The following DSCC1 variants were observed in gnomAD, a reference collection of about 807,000 sequenced individuals.
The protein encoded by DSCC1 is DNA replication and sister chromatid cohesion 1, also known as sister chromatid cohesion protein DCC1.
DSCC1 carries 32 observed loss-of-function variants against 48.2 expected under a neutral mutation model. The observed-to-expected ratio is 0.66, with a 90% confidence interval of 0.50 to 0.89. The LOEUF is 0.89. Among genes scored for constraint, DSCC1 ranks in the 40% least tolerant of loss-of-function variants. The pLI is 0.00. For synonymous variants in DSCC1, 150 were observed against 171.5 expected (o/e 0.87, Z 0.98); for missense variants, 421 against 471.7 (o/e 0.89, Z 1.00).
At position 119,842,818 on chromosome 8, in the gene DSCC1, C is replaced by A; in HGVS notation, c.727G>T (p.Glu243Ter). 6.3e-7 allele frequency: 1 copy of A among 1,594,604 alleles called. No individual in the cohort carries two copies. The highest frequency in any genetic ancestry group is 1.1e-5 in the South Asian group (1 of 87,770). Reference sequence around the variant, plus strand: ...TTCCCATAACATTTAAGACAGTGTTCTATCATTTCCCTGAAAAATTTAAAA... The same window carrying A: ...TTCCCATAACATTTAAGACAGTGTTATATCATTTCCCTGAAAAATTTAAAA... ...LGPLEPEEMI[E>*]HCLKCYGKKY... Residue 243 changes from glutamate (E) to a stop codon, truncating the protein, a stop_gained, in exon 6 of 9, where the codon GAA (glutamate) becomes TAA (stop). Transcript: ENST00000313655. LOFTEE classifies it high-confidence loss of function.
At chr8:119,854,322 T>C (rs1031684926) in intron 1 of DSCC1, among the ~76,000 whole-genome samples, 1 of 152,210 alleles carries the variant, frequency 6.6e-6, no homozygotes, top group African/African-American at 2.4e-5. Flanking sequence ...ATGATGGCAA[T>C]GACAGGGGAG....
intron 2 of DSCC1, among the ~76,000 whole-genome samples, chr8:119,851,468 C>T (rs749724247): frequency 5.9e-5 from 9 of 152,150 alleles, no homozygotes; most frequent in African/African-American, 1.2e-4. Context: ...CTTCTGGCTA[C>T]GTCCAATACA....
At chr8:119,842,279 G>A (rs1018546674) in intron 6 of DSCC1, among the ~76,000 whole-genome samples, 12 of 151,758 alleles carry the variant, frequency 7.9e-5, no homozygotes, top group Non-Finnish European at 1.8e-4. Flanking sequence ...TCACCATGTT[G>A]GCCAGGCTTG....
chr8:119,837,527 A>C (rs1262958431), intron 8 of DSCC1, among the ~76,000 whole-genome samples: 2 of 152,240 alleles, frequency 1.3e-5, no homozygotes, highest in Non-Finnish European at 2.9e-5. Flanking sequence ...GAGAAGTTTC[A>C]TGAGCAAATC....
At chr8:119,836,779 A>T (rs1011234947) in intron 8 of DSCC1, among the ~76,000 whole-genome samples, 1 of 152,098 alleles carries the variant, frequency 6.6e-6, no homozygotes, top group Admixed American at 6.6e-5. Flanking sequence ...GAGGGCACCA[A>T]AGGAAAAGTA....
At chr8:119,841,732 G>GT (rs1826772390) in intron 7 of DSCC1, 62 bp downstream of exon 7, 3 of 1,565,968 alleles carry the variant, frequency 1.9e-6, no homozygotes, top group Non-Finnish European at 2.6e-6. Flanking sequence ...TCCAACTCAA[G>GT]TATCATTCAC....
At chr8:119,844,367 AG>A (rs1430664972) in intron 4 of DSCC1, among the ~76,000 whole-genome samples, 5 of 147,244 alleles carry the variant, frequency 3.4e-5, no homozygotes, top group Admixed American at 1.4e-4. Flanking sequence ...TGAACCTGGG[AG>A]GCCGAGGTTG....
chr8:119,845,880 C>T (rs1055944844), intron 4 of DSCC1, among the ~76,000 whole-genome samples: 2 of 151,902 alleles, frequency 1.3e-5, no homozygotes, highest in African/African-American at 2.4e-5. Flanking sequence ...ACCCACGAGA[C>T]GGAGGCTGCA....
In DSCC1 at chr8:119,855,609, C is replaced by T. The variant is rs368203278; in HGVS notation, c.182+5G>A. 1.2e-4 allele frequency: 183 copies of T among 1,542,636 alleles called. No individual in the cohort carries two copies. In the African/African-American group the frequency reaches 2.3e-3, roughly 20 times the overall value. On this transcript the variant is annotated splice_donor_5th_base_variant and intron_variant, in intron 1 of 8. Transcript: ENST00000313655. ...GGCTGGGGGCGCCGCGTGACCAGGG[C>T]TCACCTGTGTCCATCCTCCAGCTGC...
chr8:119,838,306 G>C lies in DSCC1; in HGVS notation c.1026C>G (p.Phe342Leu). 3 of 1,608,540 alleles carry C rather than the reference G, an allele frequency of 1.9e-6. No homozygotes were observed. Among genetic ancestry groups the C allele is most frequent in the Non-Finnish European group, 2.5e-6 (3 of 1,177,910 alleles). The change falls in exon 8 of 9, where the codon TTC becomes TTG. Residue 342 changes from phenylalanine (F) to leucine (L), a missense_variant. This residue lies in a region of DSCC1 where 238 missense variants were observed against 259.0 expected (regional missense o/e 0.92). Transcript: ENST00000313655. ...EDNQERFNSL[F>L]SLREKWTEED... ...CTTCTGTCCACTTCTCCCTTAGAGA[G>C]AAAAGGCTATTAAAACGTTCCTGAT...
chr8:119,852,950 T>G, intron 2 of DSCC1, 97 bp downstream of exon 2: 1 of 1,112,290 alleles, frequency 9.0e-7, no homozygotes, highest in Non-Finnish European at 1.2e-6. Context: ...TTCTCCCTGA[T>G]TATAGATTTT....
intron 7 of DSCC1, chr8:119,839,926 AG>A (rs1008502813): frequency 2.0e-5 from 3 of 152,246 alleles, no homozygotes; most frequent in Non-Finnish European, 2.9e-5. Flanking sequence ...CTGATGGCTA[AG>A]CCCCTTTTCT....
chr8:119,846,006 T>C (rs1453990953), intron 4 of DSCC1, among the ~76,000 whole-genome samples: 1 of 152,116 alleles, frequency 6.6e-6, no homozygotes, highest in Non-Finnish European at 1.5e-5. Flanking sequence ...TGCCATATGC[T>C]GTCACTAACT....
chr8:119,842,658 T>G, intron 6 of DSCC1, 118 bp downstream of exon 6: 1 of 853,082 alleles, frequency 1.2e-6, no homozygotes, highest in Non-Finnish European at 1.9e-6. Flanking sequence ...AGTGCTGGGA[T>G]TATAGGTGTG....
rs949987624 is a variant in DSCC1 at position 119,855,853 on chromosome 8, A to G, written c.-58T>C. ...CGGGTGGCTGCGGGCTTGGCGGGCAAGAAAGAAGTTCCCAAGCAGCCGGAA... is the reference window on the plus strand; with the variant it reads ...CGGGTGGCTGCGGGCTTGGCGGGCAGGAAAGAAGTTCCCAAGCAGCCGGAA... On this transcript the variant is annotated 5_prime_UTR_variant, in exon 1 of 9. Transcript: ENST00000313655. 2 of 1,408,104 alleles carry G rather than the reference A, an allele frequency of 1.4e-6. No homozygotes were observed. Among genetic ancestry groups the G allele is most frequent in the Non-Finnish European group, 1.9e-6 (2 of 1,080,490 alleles). The allele number at this position is 1,408,104 out of a possible 1,614,324, so 87.2% of individuals were successfully genotyped here. A position where few individuals can be genotyped will look rare whatever the true frequency, so the allele number is the denominator to read the frequency against.
At chr8:119,852,846 G>A (rs576319423) in intron 2 of DSCC1, 155 of 447,844 alleles carry the variant, frequency 3.5e-4, no homozygotes, top group African/African-American at 3.1e-3. Context: ...ATCAAAACAG[G>A]AAAAAACAGA....
intron 2 of DSCC1, among the ~76,000 whole-genome samples, chr8:119,850,942 G>A (rs1475873796): frequency 6.6e-6 from 1 of 152,190 alleles, no homozygotes; most frequent in Admixed American, 6.5e-5. Flanking sequence ...AAAGGGAAGA[G>A]GGGGTGTGTT....
chr8:119,849,180 C>G (rs1563946456), intron 3 of DSCC1, among the ~76,000 whole-genome samples: 2 of 71,258 alleles, frequency 2.8e-5, no homozygotes, highest in Admixed American at 2.7e-4. Context: ...GCGAGACTCC[C>G]TCTCAAAAAA....
Position 119,843,802 on chromosome 8 carries a change from G to A in DSCC1, c.578-55C>T, listed in dbSNP as rs948929797. 1.2e-5 allele frequency: 18 copies of A among 1,545,092 alleles called. No individual in the cohort carries two copies. In the African/African-American group the frequency reaches 2.5e-4, roughly 21 times the overall value. On this transcript the variant is annotated intron_variant, in intron 4 of 8. Transcript: ENST00000313655. Reference sequence around the variant, plus strand: ...AGAACTTTTTTTTTTTTAAGGCAGGGTCTCAACTCTGTCACCCAAGCTGGA... The same window carrying A: ...AGAACTTTTTTTTTTTTAAGGCAGGATCTCAACTCTGTCACCCAAGCTGGA...
Sources: allele counts gnomAD v4.1 joint callset (sites outside exome capture counted in the v4.1 genomes callset), GRCh38; gene constraint gnomAD v4.1.1; regional missense constraint gnomAD v4.1.1; transcripts MANE v1.5; gene names NCBI Gene and HGNC (gene_info 2026-07-23, HGNC 2026-07-21).